The following GIPC1 variants were observed in gnomAD, a reference collection of about 807,000 sequenced individuals.
GIPC1 encodes the protein GIPC PDZ domain containing family member 1, also known as PDZ domain-containing protein GIPC1.
Under a neutral mutation model 28.5 loss-of-function variants are expected in GIPC1, and 15 were observed. That is an observed-to-expected ratio of 0.53 (90% CI 0.35 to 0.81). GIPC1 has a LOEUF of 0.81. Among genes scored for constraint, GIPC1 ranks in the 30% least tolerant of loss-of-function variants. The pLI, the probability that GIPC1 is intolerant of heterozygous loss-of-function variation, is 0.01. For missense variants in GIPC1, 439 were observed against 481.9 expected (o/e 0.91, Z 0.83); for synonymous variants, 224 against 206.1 (o/e 1.09, Z -0.74).
chr19:14,480,326 T>C lies in GIPC1; in HGVS notation c.634A>G (p.Thr212Ala). ...TCACCGAAGGCCTTGCGAGGCTCCGTGAGCTTCAGCGTGAAGGTACGGCCT... is the reference window on the plus strand; with the variant it reads ...TCACCGAAGGCCTTGCGAGGCTCCGCGAGCTTCAGCGTGAAGGTACGGCCT... Reference protein sequence around the residue: ...PRGRTFTLKLTEPRKAFDMIS... With the variant: ...PRGRTFTLKLAEPRKAFDMIS... Residue 212 changes from threonine (T) to alanine (A), a missense_variant, in exon 6 of 9, where the codon ACG (threonine) becomes GCG (alanine). By Grantham distance (58) the Thr-to-Ala change is moderately conservative. Coordinates refer to ENST00000393033, the MANE Select transcript of GIPC1 (RefSeq NM_005716.4). 6.2e-7 allele frequency: 1 copy of C among 1,610,594 alleles called. No homozygotes were observed. The highest frequency in any genetic ancestry group is 8.5e-7 in the Non-Finnish European group (1 of 1,179,150).
intron 3 of GIPC1, among the ~76,000 whole-genome samples, chr19:14,491,187 A>G (rs1250401909): frequency 6.6e-6 from 1 of 151,212 alleles, no homozygotes; most frequent in Non-Finnish European, 1.5e-5. Context: ...TTCTTATGTA[A>G]AAGGGACTTC....
intron 4 of GIPC1, 95 bp from the exon 5 acceptor site, chr19:14,480,873 G>A (rs566104935): frequency 3.4e-6 from 3 of 891,264 alleles, no homozygotes; most frequent in African/African-American, 1.7e-5. Flanking sequence ...GAGAGGACTA[G>A]GGGGATTCCA....
intron 6 of GIPC1, chr19:14,479,800 G>A (rs2287699): frequency 0.17 from 69,705 of 401,802 alleles, 8,846 homozygotes; most frequent in East Asian, 0.6. Flanking sequence ...GGGGCTGGGG[G>A]ACAGGAAGCA....
chr19:14,490,051 G>A (rs1172672884), intron 3 of GIPC1, among the ~76,000 whole-genome samples: 1 of 152,140 alleles, frequency 6.6e-6, no homozygotes, highest in East Asian at 1.9e-4. Context: ...GCTCTCAAGA[G>A]CCCGGATTAG....
rs1476840205 is a variant in GIPC1, at chr19:14,480,353, G to A, written c.607C>T (p.Arg203Ter). 1 of 1,612,082 alleles carries A rather than the reference G, an allele frequency of 6.2e-7. No individual in the cohort carries two copies. Among genetic ancestry groups the A allele is most frequent in the South Asian group, 1.1e-5 (1 of 91,010 alleles). The change falls in exon 6 of 9, where the codon CGA becomes TGA. Residue 203 changes from arginine to a stop codon, truncating the protein, a stop_gained. Coordinates refer to ENST00000393033, the MANE Select transcript of GIPC1 (RefSeq NM_005716.4). LOFTEE classifies it high-confidence loss of function. ...AGCTTCAGCGTGAAGGTACGGCCTC[G>A]GGGCAGCTCCTTGAGCAGCCGGGCC... ...EVARLLKELP[R>*]GRTFTLKLTE...
rs745393596 is a variant in GIPC1, at chr19:14,482,808, G to A, written c.169C>T (p.Arg57Cys). 1.5e-5 allele frequency: 24 copies of A among 1,595,648 alleles called. No individual in the cohort carries two copies. The highest frequency in any genetic ancestry group is 1.3e-4 in the South Asian group (12 of 89,220). The change falls in exon 4 of 9, where the codon CGC becomes TGC. Residue 57 changes from arginine (R) to cysteine (C), a missense_variant. By Grantham distance (180) the Arg-to-Cys change is radical. Transcript: ENST00000393033. ...GCCAGCTGGGTGTGGAACACGAGGC[G>A]GGGCCGCAGGGCTGGGGGAGGGGGG... ...LPPPPPALRP[R>C]LVFHTQLAHG...
At chr19:14,495,667 C>A (rs865908683) in intron 1 of GIPC1, among the ~76,000 whole-genome samples, 3 of 152,212 alleles carry the variant, frequency 2.0e-5, no homozygotes, top group Middle Eastern at 3.4e-3. Flanking sequence ...CCCCCCAAGG[C>A]CCTGGAGGGT....
At chr19:14,482,300 GTC>G (rs2071745606) in intron 4 of GIPC1, 1 of 289,998 alleles carries the variant, frequency 3.4e-6, no homozygotes, top group Non-Finnish European at 6.6e-6. Flanking sequence ...TGGAGCTCAG[GTC>G]TCTCAGTGCC....
Position 14,480,321 on chromosome 19 carries a change from C to A in GIPC1, c.639G>T (p.Glu213Asp). ...GCTCCTCACCGAAGGCCTTGCGAGGCTCCGTGAGCTTCAGCGTGAAGGTAC... is the reference window on the plus strand; with the variant it reads ...GCTCCTCACCGAAGGCCTTGCGAGGATCCGTGAGCTTCAGCGTGAAGGTAC... ...RGRTFTLKLT[E>D]PRKAFDMISQ... Residue 213 changes from glutamate to aspartate, a missense_variant, in exon 6 of 9, where the codon GAG becomes GAT. Transcript: ENST00000393033. 1 of 1,611,210 alleles carries A rather than the reference C, an allele frequency of 6.2e-7. No homozygotes were observed. Among genetic ancestry groups the A allele is most frequent in the South Asian group, 1.1e-5 (1 of 91,000 alleles).
chr19:14,489,794 A>AT (rs1356825162), intron 3 of GIPC1, among the ~76,000 whole-genome samples: 1 of 151,552 alleles, frequency 6.6e-6, no homozygotes, highest in Non-Finnish European at 1.5e-5. Context: ...TCTCATTCCA[A>AT]TTTTTTCTAA....
chr19:14,496,039 G>GCGCCGCCGCCGCCGCCGCCGCCGC lies in GIPC1; in HGVS notation c.-178_-177insGCGGCGGCGGCGGCGGCGGCGGCG, dbSNP rs2072070244. On this transcript the variant is annotated 5_prime_UTR_variant, in exon 1 of 9. Transcript: ENST00000393033. ...TCCTTCTCGCAGAGGCCACTCACCTGCTCCGCCGCCGCCGCCGCCGCCGCC... is the reference window on the plus strand; with the variant it reads ...TCCTTCTCGCAGAGGCCACTCACCTGCGCCGCCGCCGCCGCCGCCGCCGCCTCCGCCGCCGCCGCCGCCGCCGCC... 5.2e-6 allele frequency: 1 copy of GCGCCGCCGCCGCCGCCGCCGCCGC among 193,428 alleles called. No homozygotes were observed. Among genetic ancestry groups the GCGCCGCCGCCGCCGCCGCCGCCGC allele is most frequent in the African/African-American group, 4.1e-5 (1 of 24,510 alleles). The allele number at this position is 193,428 out of a possible 1,614,324, so 12.0% of individuals were successfully genotyped here.
At chr19:14,486,595 TG>T (rs748933908) in intron 3 of GIPC1, among the ~76,000 whole-genome samples, 12 of 152,242 alleles carry the variant, frequency 7.9e-5, no homozygotes, top group African/African-American at 1.2e-4. Context: ...TGAGCCGCAA[TG>T]GAAGTGTAGC....
intron 6 of GIPC1, chr19:14,479,745 T>G: frequency 2.4e-6 from 1 of 422,476 alleles, no homozygotes. Flanking sequence ...GGGCCAGGAA[T>G]AGGAAATGCT....
Position 14,489,845 on chromosome 19 carries a change from T to C in GIPC1, c.-31+1811A>G, listed in dbSNP as rs117972293. 4.5e-3 allele frequency among the ~76,000 whole-genome samples: 687 copies of C among 151,660 alleles called. 4 individuals are homozygous for C. Among genetic ancestry groups the C allele is most frequent in the Non-Finnish European group, 7.7e-3 (521 of 67,970 alleles). On this transcript the variant is annotated intron_variant, in intron 3 of 8. Transcript: ENST00000393033. ...TTGACATTGATTTCAAAGGGTTTTA[T>C]GTATTAAAGTGACAGAATCTTATTA... is the stretch of plus-strand genomic sequence containing the variant.
Position 14,480,775 on chromosome 19 carries a change from T to C in GIPC1, c.292A>G (p.Met98Val). The C allele has an allele frequency of 6.2e-7, 1 of 1,607,916 alleles. No individual in the cohort carries two copies. Among genetic ancestry groups the C allele is most frequent in the Non-Finnish European group, 8.5e-7 (1 of 1,174,836 alleles). ...EAFRLPTAEV[M>V]FCTLNTHKVD... ...TTGTGGGTGTTCAGGGTGCAGAACA[T>C]CACCTGCAGGGGTGGGAGACGCTGA... The change falls in exon 5 of 9, where the codon ATG becomes GTG. Residue 98 changes from methionine to valine, a missense_variant. Transcript: ENST00000393033.
intron 4 of GIPC1, chr19:14,481,046 T>G (rs558191076): frequency 7.1e-6 from 3 of 425,086 alleles, no homozygotes; most frequent in Non-Finnish European, 1.3e-5. Flanking sequence ...TCATAGTCAC[T>G]GCAGCCACAA....
chr19:14,494,825 G>C (rs887350229), intron 1 of GIPC1, among the ~76,000 whole-genome samples: 2 of 152,142 alleles, frequency 1.3e-5, no homozygotes, highest in Admixed American at 1.3e-4. Context: ...AGCCACTTCA[G>C]CCCGGATATT....
At chr19:14,483,382 A>G (rs12976068) in intron 3 of GIPC1, 120,046 of 179,242 alleles carry the variant, frequency 0.67, 40,568 homozygotes, top group East Asian at 0.86. Context: ...CTTGAACTGG[A>G]GAGGTGGAGG....
At chr19:14,479,992 G>C in intron 6 of GIPC1, 1 of 527,170 alleles carries the variant, frequency 1.9e-6, no homozygotes, top group Non-Finnish European at 3.4e-6. Context: ...AAGTGGGGGG[G>C]CTGGCACTGA....
Sources: allele counts gnomAD v4.1 joint callset (sites outside exome capture counted in the v4.1 genomes callset), GRCh38; gene constraint gnomAD v4.1.1; transcripts MANE v1.5; gene names NCBI Gene and HGNC (gene_info 2026-07-23, HGNC 2026-07-21).